LTBP2: variants seen among roughly 807,000 people sequenced by gnomAD.
LTBP2 encodes the protein latent transforming growth factor beta binding protein 2.
In LTBP2, 103 loss-of-function variants were observed where a neutral mutation model predicts 210.6. The observed-to-expected ratio is 0.49, with a 90% CI of 0.42 to 0.58. LTBP2 has a LOEUF of 0.58. Among genes scored for constraint, LTBP2 ranks in the 20% least tolerant of loss-of-function variants. LTBP2 has a pLI of 0.00. For missense variants in LTBP2, 2,313 were observed against 2,494.5 expected (o/e 0.93, Z 1.55); for synonymous variants, 1,007 against 1,015.0 (o/e 0.99, Z 0.15).
At chr14:74,603,168 C>T (rs139270190) in intron 2 of LTBP2, among the ~76,000 whole-genome samples, 3,211 of 152,180 alleles carry the variant, frequency 0.021, 51 homozygotes, top group Non-Finnish European at 0.031. Flanking sequence ...CGCTCTGTCG[C>T]CCAGTCTGGA....
intron 24 of LTBP2, among the ~76,000 whole-genome samples, 174 bp downstream of exon 24, chr14:74,508,430 C>T (rs902694006): frequency 9.9e-5 from 15 of 152,154 alleles, no homozygotes; most frequent in Non-Finnish European, 1.2e-4. Context: ...CATCACTCCT[C>T]GCTCCCATCT....
intron 8 of LTBP2, among the ~76,000 whole-genome samples, chr14:74,541,245 A>G (rs560915550): frequency 6.2e-4 from 95 of 152,220 alleles, no homozygotes; most frequent in African/African-American, 2.2e-3. Flanking sequence ...ACGTGAGGAC[A>G]AGGACCTTGT....
chr14:74,503,212 C>A lies in LTBP2; in HGVS notation c.4888+7G>T. On this transcript the variant is annotated splice_region_variant and intron_variant, in intron 33 of 35. Coordinates refer to ENST00000261978, the MANE Select transcript of LTBP2 (RefSeq NM_000428.3). ...CCCTGCAGGGTATCCCCTTTGCTCC[C>A]CCTCACCAGAGCTCCTCGGGGGACA... The A allele has an allele frequency of 6.2e-7, 1 of 1,613,822 alleles. No individual in the cohort carries two copies. Among genetic ancestry groups the A allele is most frequent in the Non-Finnish European group, 8.5e-7 (1 of 1,179,992 alleles).
intron 1 of LTBP2, among the ~76,000 whole-genome samples, chr14:74,605,071 C>G (rs904342147): frequency 6.6e-6 from 1 of 152,158 alleles, no homozygotes; most frequent in Non-Finnish European, 1.5e-5. Context: ...AAATCATCAC[C>G]GGGCACTGGA....
At chr14:74,584,828 C>T (rs2088181723) in intron 3 of LTBP2, among the ~76,000 whole-genome samples, 1 of 152,112 alleles carries the variant, frequency 6.6e-6, no homozygotes, top group Non-Finnish European at 1.5e-5. Context: ...TCTCAGAGTT[C>T]CTGGACACCC....
chr14:74,568,058 G>A (rs922009446), intron 3 of LTBP2, among the ~76,000 whole-genome samples: 1 of 152,128 alleles, frequency 6.6e-6, no homozygotes, highest in Non-Finnish European at 1.5e-5. Flanking sequence ...GGGAGAGGCC[G>A]AGCATACCTG....
chr14:74,518,364 C>G (rs926787454), intron 17 of LTBP2, among the ~76,000 whole-genome samples: 1 of 152,206 alleles, frequency 6.6e-6, no homozygotes, highest in Non-Finnish European at 1.5e-5. Context: ...GCATGACCGG[C>G]CCCAGCCTGC....
At chr14:74,517,849 C>T (rs2087155151) in intron 17 of LTBP2, among the ~76,000 whole-genome samples, 1 of 152,242 alleles carries the variant, frequency 6.6e-6, no homozygotes. Context: ...GCTTAAACTC[C>T]TACCAGAGAC....
intron 3 of LTBP2, among the ~76,000 whole-genome samples, chr14:74,565,681 G>T (rs2087893422): frequency 6.6e-6 from 1 of 152,142 alleles, no homozygotes; most frequent in Non-Finnish European, 1.5e-5. Flanking sequence ...GAGTTTTGGG[G>T]CTGTAGACAC....
chr14:74,592,959 C>G (rs528695848), intron 2 of LTBP2, among the ~76,000 whole-genome samples: 11 of 152,170 alleles, frequency 7.2e-5, no homozygotes, highest in Non-Finnish European at 1.5e-4. Context: ...TTCCACACCC[C>G]CCTGGCCCGC....
At chr14:74,564,273 TTATATATATATTTA>T (rs2087861608) in intron 3 of LTBP2, among the ~76,000 whole-genome samples, 9 of 6,102 alleles carry the variant, frequency 1.5e-3, no homozygotes, top group Non-Finnish European at 2.5e-3. Flanking sequence ...TTATATATAT[TTATATATATATTTA>T]TATATATATT....
chr14:74,544,461 C>T (rs746847292), intron 8 of LTBP2, among the ~76,000 whole-genome samples: 1 of 152,146 alleles, frequency 6.6e-6, no homozygotes, highest in Non-Finnish European at 1.5e-5. Flanking sequence ...CACTTAGCAC[C>T]GTGCCTGGCA....
chr14:74,552,779 C>CT, intron 5 of LTBP2, 113 bp downstream of exon 5: 1 of 1,379,340 alleles, frequency 7.2e-7, no homozygotes, highest in Non-Finnish European at 1.0e-6. Context: ...TTTGGGACAA[C>CT]TTGTGGAGCC....
In LTBP2 at chr14:74,501,811, C is replaced by T. The variant is rs1317881523; in HGVS notation, c.5171-221G>A. On this transcript the variant is annotated intron_variant, in intron 34 of 35. Transcript: ENST00000261978. ...TTTAGATGGGGAGAGGTGCTCTGGG[C>T]TTCAAATGAGGGCTCCAGGGAGGCT... The T allele has an allele frequency of 3.4e-5, 20 of 594,746 alleles. No homozygotes were observed. The Admixed American group carries it at 6.0e-4, about 18-fold the overall frequency. The allele number at this position is 594,746 out of a possible 1,614,324, so 36.8% of individuals were successfully genotyped here. A position where few individuals can be genotyped will look rare whatever the true frequency, so the allele number is the denominator to read the frequency against.
At chr14:74,507,918 T>A (rs943201560) in intron 25 of LTBP2, 55 bp downstream of exon 25, 2 of 1,609,474 alleles carry the variant, frequency 1.2e-6, no homozygotes, top group Non-Finnish European at 1.7e-6. Context: ...GACCAGGCAG[T>A]GTAGAGATGG....
chr14:74,540,122 G>A (rs1226193417), intron 8 of LTBP2, among the ~76,000 whole-genome samples: 2 of 152,240 alleles, frequency 1.3e-5, no homozygotes, highest in African/African-American at 4.8e-5. Flanking sequence ...CTCAGAGACA[G>A]TCTATAAGGG....
At chr14:74,555,468 C>G (rs774896341) in intron 4 of LTBP2, 35 bp downstream of exon 4, 1 of 1,607,726 alleles carries the variant, frequency 6.2e-7, no homozygotes, top group Non-Finnish European at 8.5e-7. Flanking sequence ...TCTAGAGGCC[C>G]TGCTCTTCTA....
chr14:74,611,445 G>T lies in LTBP2; in HGVS notation c.494+6C>A. On this transcript the variant is annotated splice_donor_region_variant and intron_variant, in intron 1 of 35. Coordinates refer to ENST00000261978, the MANE Select transcript of LTBP2 (RefSeq NM_000428.3). ...TACCCTCCAAACTTCCCTCTCCCAT[G>T]CTCACCCCGTGAGCCGCCCTCGCGG... The T allele has an allele frequency of 6.7e-7, 1 of 1,485,976 alleles. No individual in the cohort carries two copies. The allele number at this position is 1,485,976 out of a possible 1,614,324, so 92.0% of individuals were successfully genotyped here.
At chr14:74,503,429 G>C (rs755838765) in intron 32 of LTBP2, 40 bp downstream of exon 32, 25 of 1,609,626 alleles carry the variant, frequency 1.6e-5, no homozygotes, top group Non-Finnish European at 2.1e-5. Context: ...CCCCAGCCCA[G>C]GTACCCTTCT....
Sources: allele counts gnomAD v4.1 joint callset (sites outside exome capture counted in the v4.1 genomes callset), GRCh38; gene constraint gnomAD v4.1.1; transcripts MANE v1.5; gene names NCBI Gene and HGNC (gene_info 2026-07-23, HGNC 2026-07-21).